The following TMEM132B variants were observed in gnomAD, a reference collection of about 807,000 sequenced individuals.
The protein encoded by TMEM132B is transmembrane protein 132B.
Under a neutral mutation model 90.8 loss-of-function variants are expected in TMEM132B, and 18 were observed. The observed-to-expected ratio is 0.20, with a 90% confidence interval of 0.14 to 0.29. The LOEUF (loss-of-function observed/expected upper bound fraction) is 0.29, where lower values mean the gene tolerates loss of function less well. Among genes scored for constraint, TMEM132B ranks in the 10% least tolerant of loss-of-function variants. TMEM132B has a pLI of 1.00. For missense variants in TMEM132B, 1,096 were observed against 1,326.8 expected, an observed-to-expected ratio of 0.83 and a Z score of 2.70; for synonymous variants, 504 against 523.3, an observed-to-expected ratio of 0.96 and a Z score of 0.50.
Position 125,574,509 on chromosome 12 carries a change from T to A in TMEM132B, c.1294-9342T>A, listed in dbSNP as rs551420411. Reference sequence around the variant, plus strand: ...TTCAGTTCTTTCTAGATCTAAGATATCCCTAAGATTCAACTGACTCTACGG... The same window carrying A: ...TTCAGTTCTTTCTAGATCTAAGATAACCCTAAGATTCAACTGACTCTACGG... On this transcript the variant is annotated intron_variant, in intron 4 of 8. Coordinates refer to ENST00000682704, the MANE Select transcript of TMEM132B (RefSeq NM_001366854.1). 3.3e-5 allele frequency among the ~76,000 whole-genome samples: 5 copies of A among 152,224 alleles called. No individual in the cohort carries two copies. In the East Asian group the frequency reaches 7.7e-4, roughly 24 times the overall value.
chr12:125,365,796 A>G (rs1336201258), intron 2 of TMEM132B, among the ~76,000 whole-genome samples: 2 of 152,102 alleles, frequency 1.3e-5, no homozygotes, highest in Non-Finnish European at 2.9e-5. Context: ...ATACATGTAT[A>G]AAATGTGTAA....
intron 1 of TMEM132B, among the ~76,000 whole-genome samples, chr12:125,217,834 G>A (rs952784349): frequency 4.6e-5 from 7 of 152,142 alleles, no homozygotes; most frequent in African/African-American, 1.4e-4. Context: ...CAGCAATTGC[G>A]CACTGAGATG....
chr12:125,604,023 T>A (rs1019921137), intron 5 of TMEM132B, among the ~76,000 whole-genome samples: 11 of 152,348 alleles, frequency 7.2e-5, no homozygotes, highest in African/African-American at 2.6e-4. Context: ...TCAATCATTG[T>A]GGAAGACAGT....
chr12:125,248,930 C>T (rs1874260553), intron 1 of TMEM132B, among the ~76,000 whole-genome samples: 1 of 152,158 alleles, frequency 6.6e-6, no homozygotes, highest in Non-Finnish European at 1.5e-5. Flanking sequence ...GTGACACCTT[C>T]CTCTTATTAA....
intron 6 of TMEM132B, among the ~76,000 whole-genome samples, chr12:125,650,367 C>T (rs1357848445): frequency 6.6e-6 from 1 of 152,142 alleles, no homozygotes; most frequent in East Asian, 1.9e-4. Flanking sequence ...TCTTAGGTTC[C>T]TCCATCCCAC....
At chr12:125,489,383 CTTAT>C (rs1167695334) in intron 3 of TMEM132B, among the ~76,000 whole-genome samples, 1 of 151,684 alleles carries the variant, frequency 6.6e-6, no homozygotes, top group Non-Finnish European at 1.5e-5. Context: ...AAAATTTTTA[CTTAT>C]TTATTTTAGT....
In TMEM132B at chr12:125,406,654, G is replaced by C. The variant is rs771003017; in HGVS notation, c.960-8877G>C. 2.6e-5 allele frequency among the ~76,000 whole-genome samples: 4 copies of C among 152,104 alleles called. No individual in the cohort carries two copies. Among genetic ancestry groups the C allele is most frequent in the Non-Finnish European group, 2.9e-5 (2 of 68,020 alleles). ...AGTCTTGATGGCGTGAGTTCTAATTGCACGCTTCCTTCTCCAACCCCCGCC... is the reference window on the plus strand; with the variant it reads ...AGTCTTGATGGCGTGAGTTCTAATTCCACGCTTCCTTCTCCAACCCCCGCC... On this transcript the variant is annotated intron_variant, in intron 2 of 8. Transcript: ENST00000682704. The surrounding 1 kb of genome is among the most constrained non-coding windows in gnomAD (Gnocchi z 8.3).
At position 125,251,663 on chromosome 12, in the gene TMEM132B, C is replaced by T. The variant is rs200936924; in HGVS notation, c.67+64797C>T. 2.0e-5 allele frequency among the ~76,000 whole-genome samples: 3 copies of T among 152,150 alleles called. No homozygotes were observed. The East Asian group carries it at 5.8e-4, about 29-fold the overall frequency. ...CTGAGACAATAGGGAACGGTGTGGA[C>T]TCTGGCAAACTGGAGACCATGTTCC... On this transcript the variant is annotated intron_variant, in intron 1 of 8. Transcript: ENST00000682704. This position sits in a 1 kb window ranked among gnomAD's most constrained non-coding sequence, Gnocchi z 4.4.
In TMEM132B at chr12:125,321,261, T is replaced by C. The variant is rs189989705; in HGVS notation, c.68-28191T>C. On this transcript the variant is annotated intron_variant, in intron 1 of 8. Transcript: ENST00000682704. ...CGATTTGTTTACTGAGTCAAACTTTTACATTTTGTGTTTTGAAGACAGAAA... is the reference window on the plus strand; with the variant it reads ...CGATTTGTTTACTGAGTCAAACTTTCACATTTTGTGTTTTGAAGACAGAAA... 1.7e-3 allele frequency among the ~76,000 whole-genome samples: 252 copies of C among 152,334 alleles called. 2 individuals carry two copies. The highest frequency in any genetic ancestry group is 5.8e-3 in the African/African-American group (242 of 41,568).
At chr12:125,301,540 C>T (rs1264527028) in intron 1 of TMEM132B, 1 of 152,332 alleles carries the variant, frequency 6.6e-6, no homozygotes, top group Admixed American at 6.5e-5. Context: ...GTCGTGCCAC[C>T]AAGGCCAGTC....
chr12:125,308,578 G>C (rs753510863), intron 1 of TMEM132B, among the ~76,000 whole-genome samples: 2 of 152,052 alleles, frequency 1.3e-5, no homozygotes, highest in African/African-American at 4.8e-5. Context: ...TTAAAATGTG[G>C]TTGCCAATTA....
At position 125,662,164 on chromosome 12, in the gene TMEM132B, G is replaced by T. The variant is rs1383818889; in HGVS notation, c.*7454G>T. The T allele has an allele frequency of 6.6e-6, 1 of 152,150 alleles. No individual in the cohort carries two copies. Among genetic ancestry groups the T allele is most frequent in the Non-Finnish European group, 1.5e-5 (1 of 68,016 alleles). The allele number at this position is 152,150 out of a possible 1,614,324, so 9.4% of individuals were successfully genotyped here. On this transcript the variant is annotated 3_prime_UTR_variant, in exon 9 of 9. Coordinates refer to ENST00000682704, the MANE Select transcript of TMEM132B (RefSeq NM_001366854.1). Reference sequence around the variant, plus strand: ...TTCCACATTTCTGAATTGGATTCTTGTTCCCTGGTAAACACCAGATATTAT... The same window carrying T: ...TTCCACATTTCTGAATTGGATTCTTTTTCCCTGGTAAACACCAGATATTAT...
At chr12:125,595,061 T>C (rs538209274) in intron 5 of TMEM132B, among the ~76,000 whole-genome samples, 2 of 132,366 alleles carry the variant, frequency 1.5e-5, no homozygotes, top group South Asian at 4.8e-4. Context: ...AGTCAACCTC[T>C]TCCTACTCAG....
intron 4 of TMEM132B, among the ~76,000 whole-genome samples, chr12:125,549,844 G>A (rs1411398631): frequency 6.6e-6 from 1 of 152,186 alleles, no homozygotes; most frequent in Non-Finnish European, 1.5e-5. Context: ...CAGACATTGT[G>A]CTGTGAGGTA....
chr12:125,535,214 G>A (rs796640527), intron 4 of TMEM132B, among the ~76,000 whole-genome samples: 116 of 152,168 alleles, frequency 7.6e-4, no homozygotes, highest in African/African-American at 2.6e-3. Context: ...ATCAGTTACC[G>A]CCATTGTTCC....
In TMEM132B at chr12:125,657,464, TA is replaced by T; in HGVS notation, c.*2756del. 1 of 152,222 alleles carries T rather than the reference TA, an allele frequency of 6.6e-6. No individual in the cohort carries two copies. Among genetic ancestry groups the T allele is most frequent in the East Asian group, 1.9e-4 (1 of 5,182 alleles). 9.4% of individuals were successfully genotyped at this position (152,222 alleles called of 1,614,324 possible). On this transcript the variant is annotated 3_prime_UTR_variant, in exon 9 of 9. Coordinates refer to ENST00000682704, the MANE Select transcript of TMEM132B (RefSeq NM_001366854.1). ...GGCATGGATACTATTTCTCATGAAA[TA>T]ATGTCATTAAAGTATTTCCTCCTCT...
chr12:125,457,961 G>A (rs1193080610), intron 3 of TMEM132B, among the ~76,000 whole-genome samples: 1 of 152,116 alleles, frequency 6.6e-6, no homozygotes, highest in Non-Finnish European at 1.5e-5. Flanking sequence ...GGCCTGCTGT[G>A]GTCACAATGT....
chr12:125,345,194 C>A (rs1341529009), intron 1 of TMEM132B, among the ~76,000 whole-genome samples: 1 of 152,192 alleles, frequency 6.6e-6, no homozygotes, highest in East Asian at 1.9e-4. Context: ...ACACCTGGCT[C>A]TCGATGCCTG....
At chr12:125,494,774 G>C in intron 3 of TMEM132B, among the ~76,000 whole-genome samples, 1 of 94,816 alleles carries the variant, frequency 1.1e-5, no homozygotes. Flanking sequence ...AAATGGCCGT[G>C]TTCCTCCTCC....
Sources: gnomAD v4.1 joint callset for allele counts (sites outside exome capture counted in the v4.1 genomes callset) on GRCh38, gnomAD v4.1.1 for gene constraint, Gnocchi (gnomAD v3.1) non-coding constraint, MANE v1.5 for transcripts, NCBI Gene and HGNC (gene_info 2026-07-23, HGNC 2026-07-21) for gene names.